The following SGCD variants were observed in gnomAD, a reference collection of about 807,000 sequenced individuals.
SGCD encodes sarcoglycan delta, also known as delta-sarcoglycan.
SGCD carries 18 observed loss-of-function variants against 36.6 expected under a neutral mutation model. The ratio of observed to expected loss-of-function variants is 0.49; its 90% CI spans 0.34 to 0.73. The LOEUF (loss-of-function observed/expected upper bound fraction) is 0.73. Among genes scored for constraint, SGCD ranks in the 30% least tolerant of loss-of-function variants. The pLI is 0.01. For missense variants in SGCD, 387 were observed against 346.7 expected (o/e 1.12, Z -0.92); for synonymous variants, 133 against 130.6 (o/e 1.02, Z -0.12).
intron 3 of SGCD, among the ~76,000 whole-genome samples, chr5:156,192,548 C>T (rs975776411): frequency 1.3e-5 from 2 of 151,918 alleles, no homozygotes; most frequent in African/African-American, 2.4e-5. Flanking sequence ...TAAGTTCTAA[C>T]GTTTGACAGT....
intron 1 of SGCD, among the ~76,000 whole-genome samples, chr5:156,101,959 A>G (rs1278917875): frequency 6.6e-6 from 1 of 150,882 alleles, no homozygotes; most frequent in Non-Finnish European, 1.5e-5. Context: ...AGAGAGAGAG[A>G]GAGAGAGAGA....
chr5:155,850,705 G>A, the SGCD span, among the ~76,000 whole-genome samples: 2 of 152,146 alleles, frequency 1.3e-5, no homozygotes, highest in Non-Finnish European at 2.9e-5. Context: ...ACTGGGTTCT[G>A]TCTGTCTCTT....
chr5:156,020,560 C>T (rs1219032918), intron 1 of SGCD, among the ~76,000 whole-genome samples: 3 of 152,052 alleles, frequency 2.0e-5, no homozygotes, highest in African/African-American at 7.2e-5. Flanking sequence ...CACTCTTACA[C>T]ATTTATATTG....
intron 1 of SGCD, among the ~76,000 whole-genome samples, chr5:156,113,332 CATTTATTT>C (rs1352981129): frequency 6.6e-6 from 1 of 151,952 alleles, no homozygotes; most frequent in South Asian, 2.1e-4. Flanking sequence ...TTTTCCTTTG[CATTTATTT>C]ATTTATTTAT....
the SGCD span, among the ~76,000 whole-genome samples, chr5:155,762,892 G>C: frequency 1.2e-4 from 18 of 152,122 alleles, no homozygotes; most frequent in African/African-American, 4.1e-4. Flanking sequence ...AGTACCCTGG[G>C]TAGGTTAAGT....
chr5:156,269,505 A>AAAAAAAAAAAAAC (rs1189540837), intron 3 of SGCD, among the ~76,000 whole-genome samples: 8 of 86,174 alleles, frequency 9.3e-5, no homozygotes, highest in Non-Finnish European at 1.5e-4. Flanking sequence ...AAAAAAAAAA[A>AAAAAAAAAAAAAC]AAAAACCATC....
At chr5:155,736,503 C>G in the SGCD span, among the ~76,000 whole-genome samples, 1 of 152,294 alleles carries the variant, frequency 6.6e-6, no homozygotes, top group South Asian at 2.1e-4. Context: ...TCATAGGTTT[C>G]TTAAAATTCC....
At chr5:156,187,400 A>T (rs916237500) in intron 3 of SGCD, among the ~76,000 whole-genome samples, 4 of 152,100 alleles carry the variant, frequency 2.6e-5, no homozygotes, top group Admixed American at 2.0e-4. Flanking sequence ...ATTTGAGAGG[A>T]TCTAGGATGT....
chr5:156,523,091 A>C (rs1757481613), intron 4 of SGCD, among the ~76,000 whole-genome samples: 1 of 152,166 alleles, frequency 6.6e-6, no homozygotes, highest in African/African-American at 2.4e-5. Flanking sequence ...GCACCTAATA[A>C]TTTAATTAGA....
intron 3 of SGCD, among the ~76,000 whole-genome samples, chr5:156,146,024 T>C (rs560794430): frequency 1.3e-3 from 195 of 152,144 alleles, no homozygotes; most frequent in African/African-American, 3.7e-3. Context: ...CCATCCTGGC[T>C]AACATGGTGA....
the SGCD span, among the ~76,000 whole-genome samples, chr5:155,816,629 T>C: frequency 6.6e-6 from 1 of 152,130 alleles, no homozygotes; most frequent in Admixed American, 6.6e-5. Context: ...GGTATAGTGA[T>C]AGTAAATAAA....
intron 3 of SGCD, among the ~76,000 whole-genome samples, chr5:156,213,363 G>A (rs546657343): frequency 2.0e-5 from 3 of 152,014 alleles, no homozygotes; most frequent in African/African-American, 4.8e-5. Flanking sequence ...ATTGGGCAAC[G>A]TGGAAGAAAT....
intron 7 of SGCD, among the ~76,000 whole-genome samples, chr5:156,665,135 G>A (rs1319832928): frequency 6.6e-6 from 1 of 152,136 alleles, no homozygotes; most frequent in Non-Finnish European, 1.5e-5. Context: ...TCAGCCGGCG[G>A]CCAGTATTGA....
At chr5:155,774,768 G>C in the SGCD span, among the ~76,000 whole-genome samples, 7 of 152,042 alleles carry the variant, frequency 4.6e-5, no homozygotes, top group Non-Finnish European at 1.0e-4. Context: ...CCCACCTCAA[G>C]GTCCTTAACT....
At chr5:155,891,024 G>C (rs74519175) in intron 1 of SGCD, among the ~76,000 whole-genome samples, 2,362 of 152,268 alleles carry the variant, frequency 0.016, 56 homozygotes, top group African/African-American at 0.053. Context: ...AGCATAAAAA[G>C]AGGATGCTAG....
At chr5:155,984,313 C>T (rs1758287016) in intron 1 of SGCD, among the ~76,000 whole-genome samples, 1 of 152,186 alleles carries the variant, frequency 6.6e-6, no homozygotes, top group Admixed American at 6.5e-5. Flanking sequence ...ATCTGTCAGT[C>T]ATAGAATACC....
chr5:156,304,779 T>TATTTTGAACAATTTGACA lies in SGCD; in HGVS notation c.-43-24755_-43-24754insATTTTGAACAATTTGACA, dbSNP rs1334955158. Among the ~76,000 whole-genome samples the TATTTTGAACAATTTGACA allele has an allele frequency of 4.6e-4, 70 of 152,076 alleles. 2 individuals are homozygous for TATTTTGAACAATTTGACA. Among genetic ancestry groups the TATTTTGAACAATTTGACA allele is most frequent in the Admixed American group, 6.5e-5 (1 of 15,276 alleles). ...ATGGGTTTGACAAAAATGCTGACAG[T>TATTTTGAACAATTTGACA]GATATGAACAATAAGATCCAGTCTG... On this transcript the variant is annotated intron_variant, in intron 3 of 9. Transcript: ENST00000517913.
chr5:155,863,709 G>T, the SGCD span, among the ~76,000 whole-genome samples: 1 of 151,750 alleles, frequency 6.6e-6, no homozygotes, highest in Admixed American at 6.6e-5. Flanking sequence ...TGGAGATGAA[G>T]GTCAGGATTC....
At chr5:156,716,685 CAGA>C (rs1338927448) in intron 7 of SGCD, among the ~76,000 whole-genome samples, 1 of 152,190 alleles carries the variant, frequency 6.6e-6, no homozygotes, top group African/African-American at 2.4e-5. Flanking sequence ...ATCTAATGCA[CAGA>C]AGGATTAGAA....
Sources: gnomAD v4.1 joint callset for allele counts (sites outside exome capture counted in the v4.1 genomes callset) on GRCh38, gnomAD v4.1.1 for gene constraint, MANE v1.5 for transcripts, NCBI Gene and HGNC (gene_info 2026-07-23, HGNC 2026-07-21) for gene names.